Variants in LRRC2 observed in about 807,000 individuals in gnomAD.
The protein encoded by LRRC2 is leucine-rich repeat-containing protein 2.
LRRC2 carries 27 observed loss-of-function variants against 40.2 expected under a neutral mutation model. The observed-to-expected ratio is 0.67, with a 90% CI of 0.49 to 0.93. The LOEUF (loss-of-function observed/expected upper bound fraction) is 0.93, where lower values mean the gene tolerates loss of function less well. Among genes scored for constraint, LRRC2 ranks in the 40% least tolerant of loss-of-function variants. The pLI, the probability that LRRC2 is intolerant of heterozygous loss-of-function variation, is 0.00. For missense variants in LRRC2, 402 were observed against 439.6 expected, an observed-to-expected ratio of 0.91 and a Z score of 0.76; for synonymous variants, 147 against 158.9, an observed-to-expected ratio of 0.92 and a Z score of 0.56.
intron 4 of LRRC2, among the ~76,000 whole-genome samples, chr3:46,536,175 T>C (rs1704266309): frequency 6.6e-6 from 1 of 152,184 alleles, no homozygotes; most frequent in Admixed American, 6.5e-5. Flanking sequence ...TAGAAGAGCA[T>C]GAGTGTATGT....
chr3:46,552,200 T>G (rs563418084), intron 1 of LRRC2, among the ~76,000 whole-genome samples: 1 of 152,178 alleles, frequency 6.6e-6, no homozygotes, highest in African/African-American at 2.4e-5. Context: ...CCACATTGTA[T>G]TAAATTCACT....
chr3:46,547,003 C>A (rs1428913974), intron 2 of LRRC2, among the ~76,000 whole-genome samples: 1 of 152,188 alleles, frequency 6.6e-6, no homozygotes, highest in African/African-American at 2.4e-5. Flanking sequence ...ATTGTAATCA[C>A]CTCCTGGCAT....
At position 46,529,939 on chromosome 3, in the gene LRRC2, T is replaced by C. The variant is rs1007639177; in HGVS notation, c.739A>G (p.Asn247Asp). Residue 247 changes from asparagine to aspartate, a missense_variant, in exon 6 of 9, where the codon AAT becomes GAT. Asn to Asp is a conservative substitution (Grantham distance 23). Transcript: ENST00000395905. ...SNLQWLDISS[N>D]NLTDLPQDID... ...TCTTGCGGCAGGTCGGTCAGGTTATTGCTGCTGATATCCAACCACTGCAAA... is the reference window on the plus strand; with the variant it reads ...TCTTGCGGCAGGTCGGTCAGGTTATCGCTGCTGATATCCAACCACTGCAAA... The C allele has an allele frequency of 1.2e-6, 2 of 1,614,152 alleles. No homozygotes were observed. The highest frequency in any genetic ancestry group is 2.2e-5 in the South Asian group (2 of 91,086).
intron 5 of LRRC2, among the ~76,000 whole-genome samples, chr3:46,532,145 CA>C (rs1456239082): frequency 6.6e-6 from 1 of 151,864 alleles, no homozygotes; most frequent in African/African-American, 2.4e-5. Flanking sequence ...TCAATTTTAC[CA>C]TTGTGGATAA....
chr3:46,548,533 A>G (rs1273715658), intron 2 of LRRC2, among the ~76,000 whole-genome samples: 1 of 151,690 alleles, frequency 6.6e-6, no homozygotes, highest in African/African-American at 2.4e-5. Context: ...TGAATGCCAA[A>G]TATGCAATAA....
intron 3 of LRRC2, 105 bp downstream of exon 3, chr3:46,544,941 G>A (rs1704492758): frequency 1.1e-5 from 12 of 1,098,796 alleles, no homozygotes; most frequent in Non-Finnish European, 1.6e-5. Context: ...AGGGACAGAA[G>A]AACCTCCTCT....
chr3:46,545,902 G>A (rs1404154350), intron 2 of LRRC2, among the ~76,000 whole-genome samples: 5 of 152,162 alleles, frequency 3.3e-5, no homozygotes, highest in Non-Finnish European at 5.9e-5. Flanking sequence ...TGCACCTGGT[G>A]GGCCTTTCTT....
rs1703881721 is a variant in LRRC2, at chr3:46,517,299, G to GTTTTTTT, written c.*1714_*1715insAAAAAAA. The GTTTTTTT allele has an allele frequency of 8.0e-6, 1 of 124,452 alleles. No individual in the cohort carries two copies. 7.7% of individuals were successfully genotyped at this position (124,452 alleles called of 1,614,324 possible). On this transcript the variant is annotated 3_prime_UTR_variant, in exon 9 of 9. Coordinates refer to ENST00000395905, the MANE Select transcript of LRRC2 (RefSeq NM_024512.5). ...GCTTGTTTTTGTTTTTTTTTTTTTAGTTATAACAATAATAATATTGTTATT... is the reference window on the plus strand; with the variant it reads ...GCTTGTTTTTGTTTTTTTTTTTTTAGTTTTTTTTTATAACAATAATAATATTGTTATT...
At chr3:46,522,384 T>C (rs1386670585) in intron 7 of LRRC2, among the ~76,000 whole-genome samples, 2 of 139,846 alleles carry the variant, frequency 1.4e-5, no homozygotes, top group Non-Finnish European at 3.1e-5. Flanking sequence ...CAAAAATAAA[T>C]AAATAAATAA....
chr3:46,549,052 A>G (rs1169402093), intron 2 of LRRC2, among the ~76,000 whole-genome samples: 2 of 152,172 alleles, frequency 1.3e-5, no homozygotes, highest in Non-Finnish European at 2.9e-5. Context: ...CAAATGATCA[A>G]GTTTCATTCG....
At chr3:46,540,629 T>A (rs113419515) in intron 3 of LRRC2, among the ~76,000 whole-genome samples, 1 of 152,240 alleles carries the variant, frequency 6.6e-6, no homozygotes, top group African/African-American at 2.4e-5. Flanking sequence ...GATCCACTAC[T>A]GAGTTTGCAG....
intron 1 of LRRC2, among the ~76,000 whole-genome samples, chr3:46,555,521 GT>G (rs974837449): frequency 1.3e-5 from 2 of 151,540 alleles, no homozygotes; most frequent in African/African-American, 4.9e-5. Context: ...TCTTTGGGTA[GT>G]TTTTTTCTCT....
intron 4 of LRRC2, among the ~76,000 whole-genome samples, chr3:46,535,042 C>T (rs1408785736): frequency 6.6e-6 from 1 of 152,080 alleles, no homozygotes; most frequent in Non-Finnish European, 1.5e-5. Flanking sequence ...TCATTTTGCC[C>T]CACATGTGAA....
chr3:46,551,462 C>T lies in LRRC2; in HGVS notation c.125+5G>A, dbSNP rs1236977732. ...GCTACAAGACTAGGTTGAGAAAACA[C>T]GTACTTCTCCAAGGCGCTCTTCTCA... is the stretch of plus-strand genomic sequence containing the variant. On this transcript the variant is annotated splice_donor_5th_base_variant and intron_variant, in intron 2 of 8. Transcript: ENST00000395905. 5.0e-6 allele frequency: 8 copies of T among 1,611,936 alleles called. No individual in the cohort carries two copies. The highest frequency in any genetic ancestry group is 3.4e-5 in the Admixed American group (2 of 59,644).
intron 1 of LRRC2, 27 bp downstream of exon 1, chr3:46,566,150 C>G (rs1487152834): frequency 6.6e-6 from 1 of 152,326 alleles, no homozygotes; most frequent in Non-Finnish European, 1.5e-5. Context: ...TCCCGCCCCC[C>G]GGCCACCTCG....
chr3:46,534,434 TTC>T (rs1704233291), intron 4 of LRRC2, among the ~76,000 whole-genome samples: 2 of 133,046 alleles, frequency 1.5e-5, no homozygotes, highest in South Asian at 2.2e-4. Flanking sequence ...CTTTCTTTCT[TTC>T]TTTCTTTCTT....
intron 4 of LRRC2, among the ~76,000 whole-genome samples, chr3:46,535,405 A>G (rs1242748536): frequency 6.6e-6 from 1 of 152,232 alleles, no homozygotes; most frequent in Non-Finnish European, 1.5e-5. Flanking sequence ...ACTGAAAATT[A>G]TAAGTTGGAT....
intron 4 of LRRC2, among the ~76,000 whole-genome samples, chr3:46,534,433 T>TTTCC (rs1369283493): frequency 7.5e-6 from 1 of 133,068 alleles, no homozygotes; most frequent in Non-Finnish European, 1.5e-5. Context: ...CCTTTCTTTC[T>TTTCC]TTCTTTCTTT....
intron 1 of LRRC2, among the ~76,000 whole-genome samples, chr3:46,557,185 C>G (rs1306724235): frequency 6.6e-6 from 1 of 152,132 alleles, no homozygotes; most frequent in Non-Finnish European, 1.5e-5. Flanking sequence ...TGACATTCCA[C>G]CACAAAAGAA....
Sources: gnomAD v4.1 joint callset for allele counts (sites outside exome capture counted in the v4.1 genomes callset) on GRCh38, gnomAD v4.1.1 for gene constraint, MANE v1.5 for transcripts, NCBI Gene and HGNC (gene_info 2026-07-23, HGNC 2026-07-21) for gene names.